GNA12: variants seen among roughly 807,000 people sequenced by gnomAD.
GNA12 encodes G protein subunit alpha 12.
Under a neutral mutation model 26.0 loss-of-function variants are expected in GNA12, and 9 were observed. The ratio of observed to expected loss-of-function variants is 0.35; its 90% confidence interval spans 0.21 to 0.60. The LOEUF is 0.60. Among genes scored for constraint, GNA12 ranks in the 20% least tolerant of loss-of-function variants. The pLI is 0.78. For missense variants in GNA12, 405 were observed against 525.8 expected (o/e 0.77, Z 2.25); for synonymous variants, 264 against 219.6 (o/e 1.20, Z -1.79).
intron 2 of GNA12, among the ~76,000 whole-genome samples, chr7:2,740,931 G>A (rs990930480): frequency 8.5e-5 from 13 of 152,154 alleles, no homozygotes; most frequent in African/African-American, 3.1e-4. Flanking sequence ...TGTAGTCCCA[G>A]CTACTCAGGA....
chr7:2,843,870 A>G lies in GNA12; in HGVS notation c.292T>C (p.Phe98Leu). The G allele has an allele frequency of 1.9e-6, 3 of 1,542,972 alleles. No individual in the cohort carries two copies. The highest frequency in any genetic ancestry group is 2.6e-6 in the Non-Finnish European group (3 of 1,143,504). The change falls in exon 1 of 4, where the codon TTC becomes CTC. Residue 98 changes from phenylalanine (F) to leucine (L), a missense_variant. By Grantham distance (22) the Phe-to-Leu change is conservative. Transcript: ENST00000275364. ...CGCGTCACCTTGAGGATGTTGTCGA[A>G]GATGGTGTCGCGGAACTCCAGCAGC... ...KALLEFRDTI[F>L]DNILKGSRVL...
intron 2 of GNA12, among the ~76,000 whole-genome samples, chr7:2,740,005 A>G (rs896954715): frequency 1.3e-5 from 2 of 152,114 alleles, no homozygotes; most frequent in Non-Finnish European, 1.5e-5. Flanking sequence ...AATTTTCTGA[A>G]GACCACCAAG....
intron 2 of GNA12, among the ~76,000 whole-genome samples, chr7:2,746,759 G>C (rs1199981709): frequency 6.6e-6 from 1 of 152,116 alleles, no homozygotes; most frequent in Non-Finnish European, 1.5e-5. Flanking sequence ...CAACAAAACT[G>C]ATAGACCGCT....
At position 2,844,186 on chromosome 7, in the gene GNA12, C is replaced by T; in HGVS notation, c.-25G>A. On this transcript the variant is annotated 5_prime_UTR_variant, in exon 1 of 4. Transcript: ENST00000275364. ...TGGCCCCTCAGGCCGCGGCCGCGCC[C>T]CGCCGGCGCCCGGGGGCCATGGACG... The T allele has an allele frequency of 1.0e-6, 1 of 977,994 alleles. No individual in the cohort carries two copies. The highest frequency in any genetic ancestry group is 4.5e-5 in the South Asian group (1 of 22,060). 60.6% of individuals were successfully genotyped at this position (977,994 alleles called of 1,614,324 possible).
At chr7:2,750,845 T>C (rs1228366273) in intron 2 of GNA12, among the ~76,000 whole-genome samples, 4 of 152,142 alleles carry the variant, frequency 2.6e-5, no homozygotes, top group African/African-American at 9.7e-5. Context: ...GGCGAAAGTT[T>C]TAGAGTTATC....
chr7:2,818,855 C>G (rs1252129356), intron 1 of GNA12, among the ~76,000 whole-genome samples: 1 of 151,890 alleles, frequency 6.6e-6, no homozygotes, highest in African/African-American at 2.4e-5. Context: ...TTCACTTACT[C>G]TCTCTGACCA....
intron 2 of GNA12, among the ~76,000 whole-genome samples, chr7:2,747,478 T>G (rs1396496422): frequency 6.6e-6 from 1 of 152,192 alleles, no homozygotes; most frequent in Admixed American, 6.5e-5. Flanking sequence ...ACAACCTTCA[T>G]GCTAAAAACT....
chr7:2,833,368 C>T (rs1778738636), intron 1 of GNA12, among the ~76,000 whole-genome samples: 1 of 152,196 alleles, frequency 6.6e-6, no homozygotes, highest in Non-Finnish European at 1.5e-5. Flanking sequence ...ATCCATGAAC[C>T]CACTCTCAAC....
intron 2 of GNA12, among the ~76,000 whole-genome samples, chr7:2,741,039 C>T (rs1003493131): frequency 4.1e-5 from 6 of 146,506 alleles, no homozygotes; most frequent in East Asian, 3.9e-4. Flanking sequence ...AGCGAGACTC[C>T]GTCTCAAAAC....
At chr7:2,732,620 A>G (rs1459051779) in intron 3 of GNA12, among the ~76,000 whole-genome samples, 1 of 152,202 alleles carries the variant, frequency 6.6e-6, no homozygotes, top group Non-Finnish European at 1.5e-5. Context: ...CCACTCAGGC[A>G]GCTTCTTGCC....
intron 2 of GNA12, among the ~76,000 whole-genome samples, chr7:2,742,620 GT>G (rs1790566255): frequency 1.3e-5 from 2 of 152,132 alleles, no homozygotes; most frequent in South Asian, 4.1e-4. Flanking sequence ...TTCCATATTA[GT>G]TCTAAAGTCA....
At chr7:2,742,295 T>C (rs917556536) in intron 2 of GNA12, among the ~76,000 whole-genome samples, 1 of 152,026 alleles carries the variant, frequency 6.6e-6, no homozygotes, top group African/African-American at 2.4e-5. Context: ...GGATTACAGG[T>C]GTGAGCCACC....
intron 2 of GNA12, chr7:2,762,978 G>C (rs1316182389): frequency 7.4e-7 from 1 of 1,344,546 alleles, no homozygotes. Flanking sequence ...TCCTCAGAAA[G>C]AGCCCTTGTG....
At position 2,794,999 on chromosome 7, in the gene GNA12, G is replaced by A; in HGVS notation, c.454C>T (p.Pro152Ser). The A allele has an allele frequency of 1.2e-6, 2 of 1,614,204 alleles. No individual in the cohort carries two copies. Among genetic ancestry groups the A allele is most frequent in the South Asian group, 1.1e-5 (1 of 91,088 alleles). Residue 152 changes from proline to serine, a missense_variant, in exon 2 of 4, where the codon CCG becomes TCG. Coordinates refer to ENST00000275364, the MANE Select transcript of GNA12 (RefSeq NM_007353.3). ...TCCCTCCAGAGTGCGCTCAGGGCCGGGACGTACAGCTGGAAGGTGGCCGGC... is the reference window on the plus strand; with the variant it reads ...TCCCTCCAGAGTGCGCTCAGGGCCGAGACGTACAGCTGGAAGGTGGCCGGC... ...VEPATFQLYV[P>S]ALSALWRDSG...
At chr7:2,743,575 T>C (rs1393763702) in intron 2 of GNA12, among the ~76,000 whole-genome samples, 1 of 152,138 alleles carries the variant, frequency 6.6e-6, no homozygotes, top group Non-Finnish European at 1.5e-5. Context: ...GATGGCCGAA[T>C]AGGAACAGCT....
At chr7:2,782,565 A>G (rs1400446585) in intron 2 of GNA12, among the ~76,000 whole-genome samples, 1 of 152,068 alleles carries the variant, frequency 6.6e-6, no homozygotes, top group Non-Finnish European at 1.5e-5. Context: ...TCACTCCTTG[A>G]AAGTTCACGT....
chr7:2,769,597 G>A (rs1791897566), intron 2 of GNA12, among the ~76,000 whole-genome samples: 1 of 152,120 alleles, frequency 6.6e-6, no homozygotes, highest in South Asian at 2.1e-4. Context: ...GCCGGGCGTG[G>A]TGGCAGGCGC....
intron 2 of GNA12, chr7:2,762,205 A>C: frequency 5.9e-6 from 1 of 168,808 alleles, no homozygotes; most frequent in Middle Eastern, 2.6e-3. Context: ...CTTCGTTTCT[A>C]GGAGAAGTTG....
At chr7:2,789,938 C>T (rs1200743291) in intron 2 of GNA12, among the ~76,000 whole-genome samples, 1 of 152,238 alleles carries the variant, frequency 6.6e-6, no homozygotes, top group Non-Finnish European at 1.5e-5. Context: ...CAGTTTTTGG[C>T]TCACAAAGCG....
Sources: gnomAD v4.1 joint callset for allele counts (sites outside exome capture counted in the v4.1 genomes callset) on GRCh38, gnomAD v4.1.1 for gene constraint, MANE v1.5 for transcripts, NCBI Gene and HGNC (gene_info 2026-07-23, HGNC 2026-07-21) for gene names.